The following CDH13 variants were observed in gnomAD, a reference collection of about 807,000 sequenced individuals.
CDH13 encodes the protein cadherin 13, also known as cadherin-13.
In CDH13, 24 loss-of-function variants were observed where a neutral mutation model predicts 63.8. That is an observed-to-expected ratio of 0.38 (90% CI 0.27 to 0.53). The LOEUF (loss-of-function observed/expected upper bound fraction) is 0.53. Ranked by LOEUF, CDH13 falls within the 20% of genes least tolerant of loss-of-function variation. The probability of loss-of-function intolerance (pLI) is 0.85; values close to 1 mark genes in which losing one functional copy is unlikely to be tolerated. For synonymous variants in CDH13, 503 were observed against 355.3 expected, an observed-to-expected ratio of 1.42 and a Z score of -4.67; for missense variants, 1,049 against 903.1, an observed-to-expected ratio of 1.16 and a Z score of -2.07.
At chr16:83,722,011 A>C (rs573403273) in intron 10 of CDH13, among the ~76,000 whole-genome samples, 1 of 152,246 alleles carries the variant, frequency 6.6e-6, no homozygotes, top group South Asian at 2.1e-4. Context: ...GGAGGGGTCC[A>C]TGTGCAAAAG....
intron 5 of CDH13, among the ~76,000 whole-genome samples, chr16:83,276,203 C>G (rs11149552): frequency 0.79 from 119,905 of 151,952 alleles, 47,520 homozygotes; most frequent in Middle Eastern, 0.87. Flanking sequence ...ACTCTGAGAA[C>G]TTCTGCTTGA....
At chr16:82,945,328 G>T (rs750259891) in intron 2 of CDH13, among the ~76,000 whole-genome samples, 7 of 152,104 alleles carry the variant, frequency 4.6e-5, no homozygotes, top group Non-Finnish European at 1.0e-4. Context: ...AAAACAAAGG[G>T]TCAGATTTGG....
intron 8 of CDH13, among the ~76,000 whole-genome samples, chr16:83,655,484 C>T (rs1280213486): frequency 6.6e-6 from 1 of 152,164 alleles, no homozygotes; most frequent in East Asian, 1.9e-4. Context: ...TACATGAAGA[C>T]AAGAGTCTGT....
At chr16:82,885,541 A>G (rs1238651206) in intron 2 of CDH13, among the ~76,000 whole-genome samples, 2 of 151,218 alleles carry the variant, frequency 1.3e-5, no homozygotes, top group Non-Finnish European at 2.9e-5. Flanking sequence ...CCATCCATCC[A>G]TCCAGCCATC....
rs904336243 is a variant in CDH13 at position 83,587,169 on chromosome 16, A to G, written c.961-15285A>G. ...ATTAAAAGTAACCCTGCATGGCAAA[A>G]TTTGATTAGGAGATCACATCTGAAT... On this transcript the variant is annotated intron_variant, in intron 7 of 13. Coordinates refer to ENST00000567109, the MANE Select transcript of CDH13 (RefSeq NM_001257.5). Among the ~76,000 whole-genome samples, 17 of 152,302 alleles carry G rather than the reference A, an allele frequency of 1.1e-4. No homozygotes were observed. The East Asian group carries it at 3.3e-3, about 29-fold the overall frequency.
intron 6 of CDH13, among the ~76,000 whole-genome samples, chr16:83,371,000 G>A (rs1232201782): frequency 6.6e-6 from 1 of 152,176 alleles, no homozygotes; most frequent in Non-Finnish European, 1.5e-5. Flanking sequence ...TCTCACACCA[G>A]TCAGAATGGC....
chr16:83,235,304 C>G (rs1223266227), intron 5 of CDH13, among the ~76,000 whole-genome samples: 1 of 152,142 alleles, frequency 6.6e-6, no homozygotes, highest in African/African-American at 2.4e-5. Context: ...TGACGCAGGT[C>G]CGAGTGCCAA....
At chr16:83,191,462 T>TAGAG (rs768560727) in intron 4 of CDH13, among the ~76,000 whole-genome samples, 1 of 105,566 alleles carries the variant, frequency 9.5e-6, no homozygotes, top group South Asian at 2.8e-4. Flanking sequence ...ATAGGAAATA[T>TAGAG]ATATATATAT....
Position 83,344,900 on chromosome 16 carries a change from C to A in CDH13, c.675C>A (p.Leu225=). The change falls in exon 6 of 14, where the codon CTC becomes CTA. Residue 225 remains leucine, a synonymous_variant. Transcript: ENST00000567109. ...CCACTGATGTCAATGGCAAAACTCT[C>A]GAGGGGCCGGTGCCTCTGGAAGTCA... ...VETTDVNGKT[L]EGPVPLEVIV... The A allele has an allele frequency of 1.2e-6, 2 of 1,613,942 alleles. No homozygotes were observed. Among genetic ancestry groups the A allele is most frequent in the Non-Finnish European group, 8.5e-7 (1 of 1,179,828 alleles).
chr16:83,281,009 A>C (rs1045727488), intron 5 of CDH13, among the ~76,000 whole-genome samples: 1 of 152,212 alleles, frequency 6.6e-6, no homozygotes, highest in Non-Finnish European at 1.5e-5. Context: ...AATGGCCAAT[A>C]AGCATTTGCT....
intron 11 of CDH13, among the ~76,000 whole-genome samples, chr16:83,774,908 A>G (rs1011144646): frequency 1.3e-5 from 2 of 149,432 alleles, no homozygotes; most frequent in African/African-American, 2.4e-5. Context: ...ACTGAACTGT[A>G]CACTTCAAAG....
chr16:83,009,184 T>A (rs1913862609), intron 2 of CDH13, among the ~76,000 whole-genome samples: 1 of 152,186 alleles, frequency 6.6e-6, no homozygotes, highest in South Asian at 2.1e-4. Context: ...TTCAAGAGAA[T>A]GAATGACTGA....
intron 1 of CDH13, chr16:82,705,083 T>C (rs566908713): frequency 8.8e-6 from 4 of 455,408 alleles, no homozygotes; most frequent in East Asian, 7.0e-5. Flanking sequence ...GCCTACCATA[T>C]ACCTATGTCA....
chr16:82,720,454 C>G (rs536505729), intron 1 of CDH13, among the ~76,000 whole-genome samples: 2 of 152,132 alleles, frequency 1.3e-5, no homozygotes, highest in Non-Finnish European at 2.9e-5. Flanking sequence ...CCTCTGCTAG[C>G]ACAGGGTAGG....
At chr16:83,475,786 T>C (rs535180731) in intron 6 of CDH13, among the ~76,000 whole-genome samples, 2 of 152,326 alleles carry the variant, frequency 1.3e-5, no homozygotes, top group South Asian at 2.1e-4. Flanking sequence ...GGTTTCACCA[T>C]GTTGGCCAGG....
chr16:83,363,599 T>C (rs2091204346), intron 6 of CDH13, among the ~76,000 whole-genome samples: 1 of 152,216 alleles, frequency 6.6e-6, no homozygotes, highest in Non-Finnish European at 1.5e-5. Context: ...GGAATCAAAG[T>C]GAAACTGGCT....
At chr16:83,505,727 G>T (rs983770462) in intron 7 of CDH13, among the ~76,000 whole-genome samples, 1 of 151,878 alleles carries the variant, frequency 6.6e-6, no homozygotes, top group Non-Finnish European at 1.5e-5. Flanking sequence ...ATTTTTAGTA[G>T]AGACGGTGTT....
At chr16:83,631,747 AG>A (rs1471081513) in intron 8 of CDH13, among the ~76,000 whole-genome samples, 7 of 152,188 alleles carry the variant, frequency 4.6e-5, no homozygotes, top group African/African-American at 1.7e-4. Context: ...TCCCGGCAGC[AG>A]TCTGTCTGCC....
At chr16:83,730,798 A>G (rs111362610) in intron 10 of CDH13, among the ~76,000 whole-genome samples, 2,707 of 152,138 alleles carry the variant, frequency 0.018, 67 homozygotes, top group African/African-American at 0.059. Context: ...ATAGTTTTCA[A>G]CCCTTACACC....
Sources: allele counts gnomAD v4.1 joint callset (sites outside exome capture counted in the v4.1 genomes callset), GRCh38; gene constraint gnomAD v4.1.1; transcripts MANE v1.5; gene names NCBI Gene and HGNC (gene_info 2026-07-23, HGNC 2026-07-21).